Variants in NRXN1 observed in about 807,000 individuals in gnomAD.
The protein encoded by NRXN1 is neurexin 1.
NRXN1 carries 39 observed loss-of-function variants against 150.9 expected under a neutral mutation model. That is an observed-to-expected ratio of 0.26 (90% CI 0.20 to 0.34). The LOEUF is 0.34. NRXN1 is among the 10% of genes least tolerant of loss of function. The pLI is 1.00. For synonymous variants in NRXN1, 924 were observed against 757.0 expected, an observed-to-expected ratio of 1.22 and a Z score of -3.62; for missense variants, 1,815 against 1,949.9, an observed-to-expected ratio of 0.93 and a Z score of 1.30.
At chr2:50,481,847 G>C (rs1479686059) in intron 15 of NRXN1, among the ~76,000 whole-genome samples, 1 of 111,966 alleles carries the variant, frequency 8.9e-6, no homozygotes, top group Middle Eastern at 6.0e-3. Flanking sequence ...CTCACTGCAA[G>C]CTCCGCCTCC....
intron 18 of NRXN1, among the ~76,000 whole-genome samples, chr2:50,153,866 G>A (rs910924812): frequency 6.6e-6 from 1 of 151,838 alleles, no homozygotes; most frequent in African/African-American, 2.4e-5. Context: ...ACAGTAGTCA[G>A]AAATCAAAAC....
intron 15 of NRXN1, among the ~76,000 whole-genome samples, chr2:50,476,825 A>G (rs1209172394): frequency 1.3e-5 from 2 of 152,138 alleles, no homozygotes; most frequent in Non-Finnish European, 2.9e-5. Context: ...GTGGCATTGA[A>G]TCTGGTAATA....
chr2:50,763,028 C>A (rs1434266955), intron 5 of NRXN1, among the ~76,000 whole-genome samples: 1 of 151,906 alleles, frequency 6.6e-6, no homozygotes, highest in African/African-American at 2.4e-5. Context: ...TTAAGACCCT[C>A]TTCACGTATC....
intron 18 of NRXN1, among the ~76,000 whole-genome samples, chr2:50,200,320 C>A (rs773381795): frequency 6.6e-6 from 1 of 152,130 alleles, no homozygotes; most frequent in Admixed American, 6.5e-5. Context: ...GCTGCTTTCA[C>A]TGTTTTATCT....
chr2:50,979,123 T>C (rs527882989), intron 2 of NRXN1: 14 of 355,466 alleles, frequency 3.9e-5, no homozygotes, highest in African/African-American at 8.5e-5. Flanking sequence ...CTAATCACAA[T>C]AGAGAATATT....
intron 18 of NRXN1, among the ~76,000 whole-genome samples, chr2:50,214,363 A>G (rs903211192): frequency 6.6e-6 from 1 of 151,988 alleles, no homozygotes; most frequent in Non-Finnish European, 1.5e-5. Flanking sequence ...TAAAATATGT[A>G]TCAGCAAATC....
intron 21 of NRXN1, among the ~76,000 whole-genome samples, chr2:50,030,056 A>C (rs1384863734): frequency 2.0e-5 from 3 of 152,188 alleles, no homozygotes; most frequent in African/African-American, 7.2e-5. Flanking sequence ...TCAAGTGGGT[A>C]GCAGAGACAA....
At chr2:50,839,097 A>C (rs377201316) in intron 5 of NRXN1, among the ~76,000 whole-genome samples, 62 of 152,164 alleles carry the variant, frequency 4.1e-4, no homozygotes, top group African/African-American at 1.4e-3. Flanking sequence ...ATTTTAAAAA[A>C]GTTCATCAAG....
intron 17 of NRXN1, among the ~76,000 whole-genome samples, chr2:50,284,605 G>C (rs1012920117): frequency 6.6e-6 from 1 of 152,136 alleles, no homozygotes; most frequent in East Asian, 1.9e-4. Flanking sequence ...ATTGTAGTCA[G>C]TAAATGCTTT....
intron 17 of NRXN1, among the ~76,000 whole-genome samples, chr2:50,415,671 G>T (rs1424429669): frequency 6.6e-6 from 1 of 151,698 alleles, no homozygotes. Flanking sequence ...AATCAGCTAG[G>T]GTATAAAAAT....
intron 18 of NRXN1, among the ~76,000 whole-genome samples, chr2:50,215,950 A>G (rs1166416301): frequency 6.6e-6 from 1 of 152,136 alleles, no homozygotes; most frequent in Admixed American, 6.6e-5. Flanking sequence ...GTTAAACCTC[A>G]TATTCAGTTG....
chr2:49,970,842 T>C lies in NRXN1; in HGVS notation c.4129-27051A>G, dbSNP rs541530802. ...CCATTTTTTTCTATCTATTGGTGTT[T>C]GAGTCCATAAACCACAGGTAAAGCA... On this transcript the variant is annotated intron_variant, in intron 21 of 22. Transcript: ENST00000401669. Among the ~76,000 whole-genome samples, 307 of 152,162 alleles carry C rather than the reference T, an allele frequency of 2.0e-3. 3 individuals carry two copies. The highest frequency in any genetic ancestry group is 7.2e-3 in the African/African-American group (300 of 41,536).
Position 50,347,791 on chromosome 2 carries a change from G to C in NRXN1, c.3365-110821C>G, listed in dbSNP as rs2078148946. 1.0e-6 allele frequency: 1 copy of C among 986,438 alleles called. No individual in the cohort carries two copies. Among genetic ancestry groups the C allele is most frequent in the African/African-American group, 1.7e-5 (1 of 57,238 alleles). 61.1% of individuals were successfully genotyped at this position (986,438 alleles called of 1,614,324 possible). On this transcript the variant is annotated intron_variant, in intron 17 of 22. Coordinates refer to ENST00000401669, the MANE Select transcript of NRXN1 (RefSeq NM_001330078.2). This position sits in a 1 kb window ranked among gnomAD's most constrained non-coding sequence, Gnocchi z 4.9. ...ACCACACACGCTGGTGAAGCAAGGGGCTCTATGCAAATCTGCAGTCTCCAA... is the reference window on the plus strand; with the variant it reads ...ACCACACACGCTGGTGAAGCAAGGGCCTCTATGCAAATCTGCAGTCTCCAA...
intron 14 of NRXN1, 142 bp from the exon 15 acceptor site, chr2:50,496,237 G>T (rs1198932403): frequency 5.2e-6 from 3 of 582,086 alleles, no homozygotes; most frequent in African/African-American, 3.8e-5. Context: ...TAGAAACTCA[G>T]CTATCAAGAA....
chr2:50,202,695 A>T (rs956128413), intron 18 of NRXN1, among the ~76,000 whole-genome samples: 3 of 152,158 alleles, frequency 2.0e-5, no homozygotes, highest in Non-Finnish European at 4.4e-5. Flanking sequence ...CATATTAAGG[A>T]GGAGATGATA....
At chr2:49,938,659 C>T (rs1332489744) in intron 22 of NRXN1, among the ~76,000 whole-genome samples, 3 of 152,150 alleles carry the variant, frequency 2.0e-5, no homozygotes, top group African/African-American at 4.8e-5. Context: ...AGAGAATTGA[C>T]GTATTATTCT....
intron 18 of NRXN1, among the ~76,000 whole-genome samples, chr2:50,145,697 G>GT (rs1707916139): frequency 6.6e-6 from 1 of 151,584 alleles, no homozygotes; most frequent in Admixed American, 6.6e-5. Context: ...CATCTTTTTG[G>GT]TCTACCTTTT....
At chr2:50,839,417 C>T (rs1672556736) in intron 5 of NRXN1, among the ~76,000 whole-genome samples, 1 of 152,058 alleles carries the variant, frequency 6.6e-6, no homozygotes, top group African/African-American at 2.4e-5. Context: ...GTCATTTTCT[C>T]ATAATGTTTG....
chr2:50,851,621 A>G (rs1487134408), intron 5 of NRXN1, among the ~76,000 whole-genome samples: 3 of 152,184 alleles, frequency 2.0e-5, no homozygotes, highest in Non-Finnish European at 4.4e-5. Context: ...CCATTTTCAG[A>G]AAATTTGCAA....
Sources: gnomAD v4.1 joint callset for allele counts (sites outside exome capture counted in the v4.1 genomes callset) on GRCh38, gnomAD v4.1.1 for gene constraint, Gnocchi (gnomAD v3.1) non-coding constraint, MANE v1.5 for transcripts, NCBI Gene and HGNC (gene_info 2026-07-23, HGNC 2026-07-21) for gene names.